CYRIB: variants seen among roughly 807,000 people sequenced by gnomAD.
CYRIB encodes the protein CYFIP-related Rac1 interactor B.
Under a neutral mutation model 44.2 loss-of-function variants are expected in CYRIB, and 8 were observed. That is an observed-to-expected ratio of 0.18 (90% CI 0.11 to 0.33). CYRIB has a LOEUF of 0.33. CYRIB is among the 10% of genes least tolerant of loss of function. The pLI, the probability that CYRIB is intolerant of heterozygous loss-of-function variation, is 1.00. For synonymous variants in CYRIB, 131 were observed against 127.2 expected (o/e 1.03, Z -0.20); for missense variants, 185 against 382.8 (o/e 0.48, Z 4.31).
At chr8:129,868,063 G>GGCT (rs2132900747) in intron 4 of CYRIB, among the ~76,000 whole-genome samples, 1 of 152,108 alleles carries the variant, frequency 6.6e-6, no homozygotes, top group Admixed American at 6.5e-5. Context: ...TAGAATAGTT[G>GGCT]GCTGCTCTAA....
intron 1 of CYRIB, among the ~76,000 whole-genome samples, chr8:129,904,283 C>T (rs117912630): frequency 0.016 from 2,365 of 152,128 alleles, 56 homozygotes; most frequent in East Asian, 0.11. Flanking sequence ...CAATAGGAGA[C>T]GTCTACAGGA....
At chr8:129,885,918 T>C (rs983107869) in intron 2 of CYRIB, among the ~76,000 whole-genome samples, 1 of 152,170 alleles carries the variant, frequency 6.6e-6, no homozygotes, top group Admixed American at 6.5e-5. Context: ...ATGACCTCAC[T>C]GTATCTTTCA....
intron 1 of CYRIB, among the ~76,000 whole-genome samples, chr8:129,928,522 T>G (rs1011270297): frequency 1.3e-5 from 2 of 152,066 alleles, no homozygotes; most frequent in African/African-American, 4.8e-5. Context: ...AAAAATGGCT[T>G]GGTGCTGCAT....
intron 2 of CYRIB, among the ~76,000 whole-genome samples, chr8:129,946,594 A>G (rs1224406280): frequency 6.6e-6 from 1 of 152,228 alleles, no homozygotes; most frequent in East Asian, 1.9e-4. Context: ...CTATTCAAAA[A>G]GAACCCAAGT....
At chr8:129,925,557 T>C (rs1002077853) in intron 1 of CYRIB, among the ~76,000 whole-genome samples, 5 of 152,114 alleles carry the variant, frequency 3.3e-5, no homozygotes, top group Non-Finnish European at 7.4e-5. Context: ...CTCTTTTGGG[T>C]TTTCCCTCAT....
intron 11 of CYRIB, among the ~76,000 whole-genome samples, chr8:129,846,379 T>C (rs2040007442): frequency 1.3e-5 from 2 of 152,248 alleles, no homozygotes; most frequent in African/African-American, 2.4e-5. Flanking sequence ...ATTATCTATA[T>C]ATGTAAAGAA....
At chr8:129,905,319 G>A (rs751769738) in intron 1 of CYRIB, among the ~76,000 whole-genome samples, 6 of 152,054 alleles carry the variant, frequency 3.9e-5, no homozygotes, top group South Asian at 2.1e-4. Context: ...CCAGGTTCAC[G>A]CGATTTTCCT....
At chr8:129,857,765 C>A (rs1456516382) in intron 5 of CYRIB, among the ~76,000 whole-genome samples, 1 of 152,186 alleles carries the variant, frequency 6.6e-6, no homozygotes, top group Non-Finnish European at 1.5e-5. Flanking sequence ...AAGATTCATT[C>A]TTTCTGTTGG....
At chr8:129,967,016 T>C (rs948890538) in intron 2 of CYRIB, among the ~76,000 whole-genome samples, 8 of 152,152 alleles carry the variant, frequency 5.3e-5, no homozygotes, top group African/African-American at 1.9e-4. Flanking sequence ...TTTTTAAAAA[T>C]TATCCATGAG....
chr8:129,965,430 T>C (rs1370011106), intron 2 of CYRIB, among the ~76,000 whole-genome samples: 1 of 152,182 alleles, frequency 6.6e-6, no homozygotes, highest in Non-Finnish European at 1.5e-5. Flanking sequence ...CTTAAGAATA[T>C]ATCCTGAAAA....
At chr8:129,957,964 CA>C (rs371857313) in intron 2 of CYRIB, among the ~76,000 whole-genome samples, 4,117 of 103,690 alleles carry the variant, frequency 0.04, 118 homozygotes, top group African/African-American at 0.1. Flanking sequence ...GACTCCATCT[CA>C]AAAAAAAAAA....
At chr8:129,935,859 C>A (rs1378308000) in intron 1 of CYRIB, among the ~76,000 whole-genome samples, 1 of 152,196 alleles carries the variant, frequency 6.6e-6, no homozygotes, top group African/African-American at 2.4e-5. Context: ...TGAAAGTAGT[C>A]ATTCTGACCC....
rs576913355 is a variant in CYRIB at position 129,958,603 on chromosome 8, A to G, written c.-243+12340T>C. On this transcript the variant is annotated intron_variant, in intron 2 of 14. Transcript: ENST00000401979. Reference sequence around the variant, plus strand: ...AATGGCAGCCTCGGGCAGAAAAGTCAAAAGGGGAGAGAAACCATTTCTGTG... The same window carrying G: ...AATGGCAGCCTCGGGCAGAAAAGTCGAAAGGGGAGAGAAACCATTTCTGTG... 2.6e-5 allele frequency among the ~76,000 whole-genome samples: 4 copies of G among 152,304 alleles called. No homozygotes were observed. The East Asian group carries it at 7.7e-4, about 29-fold the overall frequency.
At chr8:130,001,521 A>AT (rs2096906573) in intron 1 of CYRIB, among the ~76,000 whole-genome samples, 2 of 138,864 alleles carry the variant, frequency 1.4e-5, no homozygotes, top group Admixed American at 7.2e-5. Flanking sequence ...CCTGAAAATA[A>AT]TTTCTTTTTT....
intron 1 of CYRIB, among the ~76,000 whole-genome samples, chr8:129,916,099 A>T (rs1321772614): frequency 6.6e-6 from 1 of 152,196 alleles, no homozygotes; most frequent in African/African-American, 2.4e-5. Context: ...GAAAGGTTAA[A>T]TTTGGGCAGA....
upstream of CYRIB, among the ~76,000 whole-genome samples, chr8:129,940,090 G>A (rs557253916): frequency 6.6e-6 from 1 of 152,182 alleles, no homozygotes; most frequent in African/African-American, 2.4e-5. Context: ...ATCGCGCCGA[G>A]ATAGCTTCTG....
chr8:129,897,602 C>T lies in CYRIB; in HGVS notation c.-11+5710G>A, dbSNP rs2068731582. Among the ~76,000 whole-genome samples the T allele has an allele frequency of 1.3e-5, 2 of 149,064 alleles. 1 individual carries two copies. Among genetic ancestry groups the T allele is most frequent in the South Asian group, 4.3e-4 (2 of 4,608 alleles). On this transcript the variant is annotated intron_variant, in intron 2 of 11. Transcript: ENST00000519824. ...ACATCTCCTATCTAGTAATGCCAGC[C>T]AAGAATTTAGCTTCTGAGTAGAGTT...
At chr8:129,928,126 A>T (rs997268403) in intron 1 of CYRIB, among the ~76,000 whole-genome samples, 7 of 151,866 alleles carry the variant, frequency 4.6e-5, no homozygotes, top group African/African-American at 7.3e-5. Context: ...TAACAGCAAA[A>T]AAAAAAAAAA....
At chr8:129,929,578 T>C (rs1480331968) in intron 1 of CYRIB, among the ~76,000 whole-genome samples, 1 of 152,158 alleles carries the variant, frequency 6.6e-6, no homozygotes, top group Non-Finnish European at 1.5e-5. Flanking sequence ...ATAATTATGT[T>C]TACTGAAGGA....
Sources: gnomAD v4.1 joint callset for allele counts (sites outside exome capture counted in the v4.1 genomes callset) on GRCh38, gnomAD v4.1.1 for gene constraint, MANE v1.5 for transcripts, NCBI Gene and HGNC (gene_info 2026-07-23, HGNC 2026-07-21) for gene names.